The following ST18 variants were observed in gnomAD, a reference collection of about 807,000 sequenced individuals.
The protein encoded by ST18 is ST18 C2H2C-type zinc finger transcription factor.
A neutral mutation model predicts 110.0 loss-of-function variants in ST18; 50 were observed. That is an observed-to-expected ratio of 0.45 (90% CI 0.36 to 0.58). ST18 has a LOEUF of 0.58. ST18 is among the 20% of genes least tolerant of loss of function. The probability of loss-of-function intolerance (pLI) is 0.00; values close to 1 mark genes in which losing one functional copy is unlikely to be tolerated. For missense variants in ST18, 1,306 were observed against 1,280.1 expected (o/e 1.02, Z -0.31); for synonymous variants, 461 against 452.4 (o/e 1.02, Z -0.24).
chr8:52,272,284 G>T (rs541896592), intron 2 of ST18, among the ~76,000 whole-genome samples: 60 of 152,190 alleles, frequency 3.9e-4, no homozygotes, highest in Non-Finnish European at 2.2e-4. Context: ...GAAAATATTT[G>T]CAAGCCAAAA....
chr8:52,357,730 T>TAA lies in ST18; in HGVS notation c.-465+51596_-465+51597dup, dbSNP rs1454440625. On this transcript the variant is annotated intron_variant, in intron 2 of 25. Transcript: ENST00000689386. ...ATATATATATATATATATATATATA[T>TAA]AAAACAGACTCAAAGGGAGAAATAG... 1.0e-3 allele frequency among the ~76,000 whole-genome samples: 87 copies of TAA among 86,794 alleles called. 1 individual carries two copies. The highest frequency in any genetic ancestry group is 4.5e-3 in the East Asian group (13 of 2,864). 56.9% of individuals were successfully genotyped at this position (86,794 alleles called of 152,430 possible). A position where few individuals can be genotyped will look rare whatever the true frequency, so the allele number is the denominator to read the frequency against.
At position 52,118,434 on chromosome 8, in the gene ST18, C is replaced by T; in HGVS notation, c.2763G>A (p.Glu921=). The T allele has an allele frequency of 6.2e-7, 1 of 1,601,986 alleles. No individual in the cohort carries two copies. The highest frequency in any genetic ancestry group is 8.5e-7 in the Non-Finnish European group (1 of 1,171,528). ...TIKLKATGGI[E]SDEEIRHLDE... is the part of the protein sequence containing the mutation. ...CCAAATGCCTAATTTCTTCATCACT[C>T]TCTATTCCTGTAAAGAGTAAGACTA... is the stretch of plus-strand genomic sequence containing the variant. Residue 921 remains glutamate (E), a synonymous_variant, in exon 24 of 26, where the codon GAG becomes GAA. Transcript: ENST00000689386.
intron 2 of ST18, among the ~76,000 whole-genome samples, chr8:52,273,255 G>A (rs4358817): frequency 0.039 from 5,942 of 152,192 alleles, 411 homozygotes; most frequent in African/African-American, 0.14. Context: ...CGTGGAGAGG[G>A]GAGGACAGGC....
chr8:52,365,500 C>G (rs1404346803), intron 2 of ST18, among the ~76,000 whole-genome samples: 1 of 151,558 alleles, frequency 6.6e-6, no homozygotes, highest in Non-Finnish European at 1.5e-5. Context: ...GAAAAAAAGA[C>G]TTTAAAAAAA....
intron 2 of ST18, among the ~76,000 whole-genome samples, chr8:52,328,331 G>A (rs749691521): frequency 1.3e-5 from 2 of 152,210 alleles, no homozygotes; most frequent in African/African-American, 2.4e-5. Flanking sequence ...TTAGTAGGAT[G>A]AAGAGACCTT....
In ST18 at chr8:52,176,405, G is replaced by A. The variant is rs147871504; in HGVS notation, c.277+3717C>T. Among the ~76,000 whole-genome samples the A allele has an allele frequency of 2.2e-3, 339 of 152,248 alleles. 2 individuals are homozygous for A. The highest frequency in any genetic ancestry group is 7.5e-3 in the African/African-American group (310 of 41,536). On this transcript the variant is annotated intron_variant, in intron 9 of 25. Coordinates refer to ENST00000689386, the MANE Select transcript of ST18 (RefSeq NM_001352837.2). Reference sequence around the variant, plus strand: ...CAACATGACCAAACAAAAACTAAAAGTGTTCCAACCTCAACTTTCTTAACA... The same window carrying A: ...CAACATGACCAAACAAAAACTAAAAATGTTCCAACCTCAACTTTCTTAACA...
intron 10 of ST18, among the ~76,000 whole-genome samples, chr8:52,167,968 T>C (rs2063565867): frequency 6.6e-6 from 1 of 152,066 alleles, no homozygotes; most frequent in Non-Finnish European, 1.5e-5. Flanking sequence ...ACATGAATAC[T>C]GGTGAGCTTA....
intron 2 of ST18, among the ~76,000 whole-genome samples, chr8:52,299,760 G>A (rs1448599913): frequency 6.6e-6 from 1 of 152,196 alleles, no homozygotes; most frequent in African/African-American, 2.4e-5. Context: ...AACCGCATAA[G>A]TGGTATGAAC....
At chr8:52,175,805 G>A (rs942156734) in intron 9 of ST18, among the ~76,000 whole-genome samples, 17 of 152,156 alleles carry the variant, frequency 1.1e-4, no homozygotes, top group African/African-American at 3.4e-4. Flanking sequence ...CTGAGACACA[G>A]GACCAGGGCT....
At chr8:52,233,149 G>C (rs2091885742) in intron 2 of ST18, among the ~76,000 whole-genome samples, 1 of 152,116 alleles carries the variant, frequency 6.6e-6, no homozygotes, top group Non-Finnish European at 1.5e-5. Context: ...TCTTGGTACA[G>C]AACACTATTA....
intron 2 of ST18, among the ~76,000 whole-genome samples, chr8:52,234,148 C>T (rs931193591): frequency 5.3e-5 from 8 of 152,134 alleles, no homozygotes; most frequent in Admixed American, 2.0e-4. Context: ...CCAAAAAATG[C>T]CTTAGAAGAA....
At chr8:52,396,061 A>G (rs1427753830) in intron 2 of ST18, among the ~76,000 whole-genome samples, 2 of 152,284 alleles carry the variant, frequency 1.3e-5, no homozygotes, top group South Asian at 2.1e-4. Flanking sequence ...TTACAACGTG[A>G]TATTATAGGA....
chr8:52,151,257 C>G (rs547403315), intron 15 of ST18, among the ~76,000 whole-genome samples: 2 of 151,936 alleles, frequency 1.3e-5, no homozygotes, highest in East Asian at 3.9e-4. Context: ...TGCTTGTGCC[C>G]GACTTAGAAA....
chr8:52,357,717 ATATATATATAT>A, intron 2 of ST18, among the ~76,000 whole-genome samples: 1 of 73,248 alleles, frequency 1.4e-5, no homozygotes, highest in African/African-American at 1.1e-4. Context: ...ATATATATAT[ATATATATATAT>A]ATAAAACAGA....
chr8:52,165,856 A>G (rs150441215), intron 11 of ST18, among the ~76,000 whole-genome samples: 3 of 152,342 alleles, frequency 2.0e-5, no homozygotes, highest in African/African-American at 4.8e-5. Context: ...TTTTGGCCCA[A>G]AAGATGTGTC....
intron 2 of ST18, chr8:52,404,702 C>A (rs1843863220): frequency 6.6e-6 from 1 of 152,168 alleles, no homozygotes; most frequent in Non-Finnish European, 1.5e-5. Flanking sequence ...CTACCACTTC[C>A]CCATCTTTTC....
At chr8:52,252,206 A>C (rs118045867) in intron 2 of ST18, among the ~76,000 whole-genome samples, 1,998 of 152,184 alleles carry the variant, frequency 0.013, 35 homozygotes, top group Non-Finnish European at 0.019. Flanking sequence ...TGGGTTTTGC[A>C]ATTTGGTTAT....
intron 2 of ST18, among the ~76,000 whole-genome samples, chr8:52,394,128 C>T (rs919081026): frequency 3.9e-5 from 6 of 152,114 alleles, no homozygotes; most frequent in African/African-American, 1.4e-4. Context: ...GGCACCATTC[C>T]CATCCCCCTG....
chr8:52,258,920 C>T (rs2094601315), intron 2 of ST18, among the ~76,000 whole-genome samples: 1 of 152,178 alleles, frequency 6.6e-6, no homozygotes, highest in African/African-American at 2.4e-5. Flanking sequence ...GCATAGTAAC[C>T]TGCCCTACAT....
Sources: gnomAD v4.1 joint callset for allele counts (sites outside exome capture counted in the v4.1 genomes callset) on GRCh38, gnomAD v4.1.1 for gene constraint, MANE v1.5 for transcripts, NCBI Gene and HGNC (gene_info 2026-07-23, HGNC 2026-07-21) for gene names.